NUP62: variants seen among roughly 807,000 people sequenced by gnomAD.
NUP62 encodes nuclear pore glycoprotein p62.
For synonymous variants in NUP62, 305 were observed against 303.4 expected, an observed-to-expected ratio of 1.01 and a Z score of -0.05; for missense variants, 647 against 689.4, an observed-to-expected ratio of 0.94 and a Z score of 0.69.
intron 2 of NUP62, among the ~76,000 whole-genome samples, chr19:49,922,454 G>C (rs2075788245): frequency 6.6e-6 from 1 of 151,992 alleles, no homozygotes; most frequent in Non-Finnish European, 1.5e-5. Context: ...ATGGGACCGG[G>C]CTGTGTCGGA....
intron 2 of NUP62, among the ~76,000 whole-genome samples, chr19:49,916,683 C>T (rs916368145): frequency 6.6e-6 from 1 of 151,618 alleles, no homozygotes; most frequent in Non-Finnish European, 1.5e-5. Context: ...AGAATGGCAT[C>T]AACCCGGGAG....
rs530372497 is a variant in NUP62, at chr19:49,914,726, GTTTTTTTTT to G, written c.-77-4851_-77-4843del. 1.3e-3 allele frequency among the ~76,000 whole-genome samples: 73 copies of G among 56,398 alleles called. 1 individual carries two copies. Among genetic ancestry groups the G allele is most frequent in the African/African-American group, 2.5e-3 (38 of 15,446 alleles). The allele number at this position is 56,398 out of a possible 152,430, so 37.0% of individuals were successfully genotyped here. ...GATTCTTGTGCCACTCCAAGTCCCA[GTTTTTTTTT>G]TTTTTTTTTTTTTTTTTTTTTTGAG... On this transcript the variant is annotated intron_variant, in intron 2 of 2. Transcript: ENST00000352066.
chr19:49,926,488 C>T (rs1465357307), intron 2 of NUP62, among the ~76,000 whole-genome samples: 1 of 152,116 alleles, frequency 6.6e-6, no homozygotes, highest in Non-Finnish European at 1.5e-5. Flanking sequence ...CAAGATCATG[C>T]CACTGCACTC....
chr19:49,913,506 T>C (rs1735732773), intron 2 of NUP62, among the ~76,000 whole-genome samples: 1 of 152,066 alleles, frequency 6.6e-6, no homozygotes, highest in Non-Finnish European at 1.5e-5. Context: ...GCCACACGGG[T>C]GCGCCATGTC....
At chr19:49,929,238 TAC>T (rs2076001256) in intron 1 of NUP62, 86 bp downstream of exon 1, 2 of 153,564 alleles carry the variant, frequency 1.3e-5, no homozygotes, top group African/African-American at 2.4e-5. Context: ...CTCTTCTCAC[TAC>T]AGTGTCGCCG....
intron 2 of NUP62, among the ~76,000 whole-genome samples, chr19:49,910,225 C>G (rs1418871541): frequency 2.0e-5 from 3 of 152,212 alleles, no homozygotes; most frequent in African/African-American, 7.2e-5. Context: ...CTAGGACACA[C>G]AAGAACAGCT....
intron 2 of NUP62, among the ~76,000 whole-genome samples, chr19:49,920,251 T>G (rs1360836950): frequency 6.6e-6 from 1 of 152,218 alleles, no homozygotes; most frequent in African/African-American, 2.4e-5. Context: ...CCCAGCTAAC[T>G]TTTGTATTTT....
intron 2 of NUP62, chr19:49,911,349 A>C (rs1269350130): frequency 6.6e-6 from 1 of 152,268 alleles, no homozygotes; most frequent in Non-Finnish European, 1.5e-5. Context: ...AAAAGCTGGA[A>C]ATGGAAAGAG....
intron 2 of NUP62, among the ~76,000 whole-genome samples, chr19:49,913,881 T>C (rs2075549466): frequency 6.6e-6 from 1 of 151,912 alleles, no homozygotes; most frequent in Non-Finnish European, 1.5e-5. Context: ...CAGGCGGACT[T>C]TATGGGTGTG....
In NUP62 at chr19:49,908,909, G is replaced by T; in HGVS notation, c.899C>A (p.Ala300Asp). 1.2e-6 allele frequency: 2 copies of T among 1,607,862 alleles called. No homozygotes were observed. ...FALNLKPLAP[A>D]GIPSNTAAAV... ...AGCTGCTGTATTGCTGGGGATCCCGGCTGGCGCCAGTGGTTTTAAATTCAA... is the reference window on the plus strand; with the variant it reads ...AGCTGCTGTATTGCTGGGGATCCCGTCTGGCGCCAGTGGTTTTAAATTCAA... The change falls in exon 3 of 3, where the codon GCC (alanine) becomes GAC (aspartate). Residue 300 changes from alanine (A) to aspartate (D), a missense_variant. Ala to Asp is a moderately radical substitution (Grantham distance 126). Coordinates refer to ENST00000352066, the MANE Select transcript of NUP62 (RefSeq NM_016553.5).
chr19:49,925,749 G>A (rs1322559957), intron 2 of NUP62, among the ~76,000 whole-genome samples: 1 of 152,126 alleles, frequency 6.6e-6, no homozygotes, highest in Non-Finnish European at 1.5e-5. Flanking sequence ...ATGGCATTTG[G>A]TCAATGGTAA....
At chr19:49,920,436 T>G (rs1373690446) in intron 2 of NUP62, among the ~76,000 whole-genome samples, 2 of 152,208 alleles carry the variant, frequency 1.3e-5, no homozygotes, top group African/African-American at 4.8e-5. Context: ...TGGTGATGGC[T>G]GCACAACTCT....
intron 2 of NUP62, among the ~76,000 whole-genome samples, chr19:49,910,469 G>A (rs1436461634): frequency 6.6e-6 from 1 of 152,180 alleles, no homozygotes; most frequent in Non-Finnish European, 1.5e-5. Flanking sequence ...ACTCAGGGGA[G>A]GGTCTGAAAC....
chr19:49,908,426 G>C lies in NUP62; in HGVS notation c.1382C>G (p.Ser461Cys). 6.2e-7 allele frequency: 1 copy of C among 1,614,138 alleles called. No homozygotes were observed. Among genetic ancestry groups the C allele is most frequent in the Non-Finnish European group, 8.5e-7 (1 of 1,180,048 alleles). The part of the protein sequence containing the change: ...LKDIIEHLNT[S>C]GAPADTSDPL... ...GTCACTGGTGTCGGCGGGGGCCCCG[G>C]ACGTGTTCAGGTGCTCGATGATGTC... Residue 461 changes from serine to cysteine, a missense_variant, in exon 3 of 3, where the codon TCC becomes TGC. Coordinates refer to ENST00000352066, the MANE Select transcript of NUP62 (RefSeq NM_016553.5).
rs993551209 is a variant in NUP62 at position 49,908,091 on chromosome 19, A to G, written c.*148T>C. 1.4e-6 allele frequency: 2 copies of G among 1,466,458 alleles called. No individual in the cohort carries two copies. The highest frequency in any genetic ancestry group is 2.8e-5 in the African/African-American group (2 of 70,798). The allele number at this position is 1,466,458 out of a possible 1,614,324, so 90.8% of individuals were successfully genotyped here. A position where few individuals can be genotyped will look rare whatever the true frequency, so the allele number is the denominator to read the frequency against. ...AATACCCTCCTAAATGGAAAAACGCAAAGCACACAGCGATCATGTCAAGGG... is the reference window on the plus strand; with the variant it reads ...AATACCCTCCTAAATGGAAAAACGCGAAGCACACAGCGATCATGTCAAGGG... On this transcript the variant is annotated 3_prime_UTR_variant, in exon 3 of 3. Transcript: ENST00000352066.
At position 49,907,067 on chromosome 19, in the gene NUP62, G is replaced by C. The variant is rs1157508582; in HGVS notation, c.*1172C>G. ...ATTTCTGTGGACTGACGTTACACTG[G>C]GCTTCATTGTTCTTTCATTTAACAA... On this transcript the variant is annotated 3_prime_UTR_variant, in exon 3 of 3. Coordinates refer to ENST00000352066, the MANE Select transcript of NUP62 (RefSeq NM_016553.5). 1 of 156,452 alleles carries C rather than the reference G, an allele frequency of 6.4e-6. No individual in the cohort carries two copies. The highest frequency in any genetic ancestry group is 1.4e-5 in the Non-Finnish European group (1 of 70,330). 9.7% of individuals were successfully genotyped at this position (156,452 alleles called of 1,614,324 possible).
chr19:49,907,751 G>A lies in NUP62; in HGVS notation c.*488C>T. On this transcript the variant is annotated 3_prime_UTR_variant, in exon 3 of 3. Transcript: ENST00000352066. The stretch of plus-strand genomic sequence containing the variant: ...GGGTTTCACCATGTTGGCCAGGCTG[G>A]TCTCGAACTCCTGACCTCAAGTCAT... 3.0e-6 allele frequency: 1 copy of A among 337,762 alleles called. No homozygotes were observed. Among genetic ancestry groups the A allele is most frequent in the South Asian group, 2.3e-5 (1 of 43,576 alleles). 20.9% of individuals were successfully genotyped at this position (337,762 alleles called of 1,614,324 possible).
At chr19:49,916,341 G>A (rs1366084019) in intron 2 of NUP62, among the ~76,000 whole-genome samples, 1 of 151,710 alleles carries the variant, frequency 6.6e-6, no homozygotes, top group African/African-American at 2.4e-5. Context: ...GGCCAACATG[G>A]TGTATCTTTT....
At chr19:49,912,108 T>C (rs2075479016) in intron 2 of NUP62, among the ~76,000 whole-genome samples, 1 of 151,414 alleles carries the variant, frequency 6.6e-6, no homozygotes. Flanking sequence ...TTTGCAACTA[T>C]GAAAAAACTA....
Sources: allele counts gnomAD v4.1 joint callset (sites outside exome capture counted in the v4.1 genomes callset), GRCh38; gene constraint gnomAD v4.1.1; transcripts MANE v1.5; gene names NCBI Gene and HGNC (gene_info 2026-07-23, HGNC 2026-07-21).